GDA: variants seen among roughly 807,000 people sequenced by gnomAD.
The protein encoded by GDA is guanine deaminase.
GDA carries 18 observed loss-of-function variants against 59.6 expected under a neutral mutation model. The observed-to-expected ratio is 0.30, with a 90% CI of 0.21 to 0.45. The LOEUF (loss-of-function observed/expected upper bound fraction) is 0.45. GDA is among the 20% of genes least tolerant of loss of function. GDA has a pLI of 1.00. For missense variants in GDA, 427 were observed against 552.3 expected (o/e 0.77, Z 2.27); for synonymous variants, 201 against 201.1 (o/e 1.00, Z 0.00).
At chr9:72,135,125 G>A (rs139967481) in intron 1 of GDA, among the ~76,000 whole-genome samples, 128 of 152,008 alleles carry the variant, frequency 8.4e-4, no homozygotes, top group African/African-American at 2.9e-3. Context: ...CTATTTATTG[G>A]CGAGATCAAT....
intron 12 of GDA, among the ~76,000 whole-genome samples, chr9:72,246,303 A>T (rs947374407): frequency 2.6e-5 from 4 of 152,032 alleles, no homozygotes; most frequent in African/African-American, 9.7e-5. Flanking sequence ...GCCCACCACC[A>T]CACCCACCTA....
At chr9:72,124,616 CT>C (rs1318946850) in intron 1 of GDA, among the ~76,000 whole-genome samples, 1 of 152,114 alleles carries the variant, frequency 6.6e-6, no homozygotes, top group Non-Finnish European at 1.5e-5. Flanking sequence ...AACAGGCTGC[CT>C]TCCTAGTTAC....
chr9:72,236,177 C>T (rs1159967365), intron 10 of GDA, among the ~76,000 whole-genome samples: 1 of 152,118 alleles, frequency 6.6e-6, no homozygotes, highest in Non-Finnish European at 1.5e-5. Flanking sequence ...TCTTTGTATT[C>T]ACATTGCAAA....
At chr9:72,254,231 C>G (rs1840836781), downstream of GDA, among the ~76,000 whole-genome samples, 1 of 152,024 alleles carries the variant, frequency 6.6e-6, no homozygotes. Context: ...CCAGCCCTGC[C>G]CTAACCTACT....
chr9:72,257,700 T>A (rs1234019805), downstream of GDA: 1 of 152,918 alleles, frequency 6.5e-6, no homozygotes, highest in Non-Finnish European at 1.5e-5. Context: ...GGCGGGTGGA[T>A]CACTTGAGCT....
At chr9:72,258,634 T>G (rs546431303), downstream of GDA, among the ~76,000 whole-genome samples, 2 of 152,260 alleles carry the variant, frequency 1.3e-5, no homozygotes, top group Non-Finnish European at 2.9e-5. Flanking sequence ...AATCCAGGGC[T>G]GTTAGTTTAT....
rs557061433 is a variant in GDA at position 72,222,073 on chromosome 9, C to T, written c.607-1047C>T. 3.5e-3 allele frequency among the ~76,000 whole-genome samples: 534 copies of T among 152,118 alleles called. 4 individuals carry two copies. Among genetic ancestry groups the T allele is most frequent in the African/African-American group, 0.012 (513 of 41,490 alleles). On this transcript the variant is annotated intron_variant, in intron 6 of 13. Coordinates refer to ENST00000358399, the MANE Select transcript of GDA (RefSeq NM_004293.5). ...TGATTTATTTCCTTTTGGTATATAC[C>T]CTGTAATGGGATTGTTGAGTCAAAT...
At position 72,142,144 on chromosome 9, in the gene GDA, A is replaced by T. The variant is rs1471052993; in HGVS notation, c.-100+27311A>T. On this transcript the variant is annotated intron_variant, in intron 1 of 13. Transcript: ENST00000545168. Reference sequence around the variant, plus strand: ...GTGAACTCGACATGCTAGATAGTTCATGTTCATCAGAAGTTCTGATTGGTA... The same window carrying T: ...GTGAACTCGACATGCTAGATAGTTCTTGTTCATCAGAAGTTCTGATTGGTA... Among the ~76,000 whole-genome samples, 4 of 152,310 alleles carry T rather than the reference A, an allele frequency of 2.6e-5. No individual in the cohort carries two copies. The East Asian group carries it at 7.7e-4, about 29-fold the overall frequency.
At chr9:72,205,796 C>T (rs912853083) in intron 3 of GDA, among the ~76,000 whole-genome samples, 2 of 152,158 alleles carry the variant, frequency 1.3e-5, no homozygotes, top group African/African-American at 4.8e-5. Flanking sequence ...GAGAAGCATG[C>T]TCAGGCCAAA....
intron 1 of GDA, among the ~76,000 whole-genome samples, chr9:72,171,565 A>G (rs902878311): frequency 2.0e-5 from 3 of 149,068 alleles, no homozygotes; most frequent in African/African-American, 7.4e-5. Context: ...TCCAGAAAAC[A>G]TTTTTTTTTT....
rs773396126 is a variant in GDA at position 72,227,964 on chromosome 9, T to C, written c.844T>C (p.Tyr282His). The C allele has an allele frequency of 6.2e-7, 1 of 1,605,844 alleles. No homozygotes were observed. The change falls in exon 9 of 14, where the codon TAC becomes CAC. Residue 282 changes from tyrosine (Y) to histidine (H), a missense_variant. Physicochemically the swap from Tyr to His is moderately conservative, Grantham distance 83. Coordinates refer to ENST00000358399, the MANE Select transcript of GDA (RefSeq NM_004293.5). Reference protein sequence around the residue: ...TNKTVMAHGCYLSAEELNVFH... With the variant: ...TNKTVMAHGCHLSAEELNVFH... The stretch of plus-strand genomic sequence containing the variant: ...CCAGACAGTGATGGCACACGGCTGC[T>C]ACCTCTCTGCAGAAGAACTGAACGT...
upstream of GDA, among the ~76,000 whole-genome samples, chr9:72,149,072 A>C (rs1024999627): frequency 2.0e-5 from 3 of 152,202 alleles, no homozygotes; most frequent in Admixed American, 6.5e-5. Context: ...CTAAAAATGA[A>C]ACTGGTCATA....
chr9:72,135,682 A>T (rs941744470), intron 1 of GDA, among the ~76,000 whole-genome samples: 8 of 152,220 alleles, frequency 5.3e-5, no homozygotes, highest in East Asian at 2.0e-4. Flanking sequence ...GTAATCCAGC[A>T]CTTTGGGAGG....
At chr9:72,163,757 G>T (rs373904560) in intron 1 of GDA, among the ~76,000 whole-genome samples, 6 of 152,220 alleles carry the variant, frequency 3.9e-5, no homozygotes, top group South Asian at 2.1e-4. Context: ...CTCCCAAAGT[G>T]CTGGGATTAC....
At chr9:72,136,132 C>G (rs1228945393) in intron 1 of GDA, among the ~76,000 whole-genome samples, 1 of 152,088 alleles carries the variant, frequency 6.6e-6, no homozygotes, top group Non-Finnish European at 1.5e-5. Context: ...GCCAGCAACT[C>G]TTACTATAAA....
rs552681827 is a variant in GDA at position 72,123,480 on chromosome 9, G to T, written c.-100+8647G>T. On this transcript the variant is annotated intron_variant, in intron 1 of 13. Coordinates refer to the GDA transcript ENST00000545168. ...TGACAGGCGTAAGCCACCATGCCCG[G>T]CCTTTTTTTTTTTTTTTTTTTTTTG... Among the ~76,000 whole-genome samples, 28 of 128,878 alleles carry T rather than the reference G, an allele frequency of 2.2e-4. No homozygotes were observed. The East Asian group carries it at 5.0e-3, about 23-fold the overall frequency. The allele number at this position is 128,878 out of a possible 152,430, so 84.5% of individuals were successfully genotyped here. A position where few individuals can be genotyped will look rare whatever the true frequency, so the allele number is the denominator to read the frequency against.
rs140263635 is a variant in GDA, at chr9:72,237,420, C to T, written c.989-3732C>T. 3.0e-4 allele frequency among the ~76,000 whole-genome samples: 46 copies of T among 152,310 alleles called. No homozygotes were observed. In the East Asian group the frequency reaches 8.7e-3, roughly 29 times the overall value. ...TATCTTGAATCCTATGAAGCACCTT[C>T]GTTCTTCCCTTCTTTCTCTTCTCTG... On this transcript the variant is annotated intron_variant, in intron 10 of 13. Transcript: ENST00000358399.
intron 10 of GDA, among the ~76,000 whole-genome samples, chr9:72,238,389 T>C (rs1193112981): frequency 6.6e-6 from 1 of 152,238 alleles, no homozygotes; most frequent in Non-Finnish European, 1.5e-5. Flanking sequence ...TCCATTTTCT[T>C]TATCACTAAA....
intron 1 of GDA, among the ~76,000 whole-genome samples, chr9:72,164,636 G>A (rs981085840): frequency 1.3e-5 from 2 of 152,140 alleles, no homozygotes; most frequent in Non-Finnish European, 2.9e-5. Context: ...CACTGCTTAA[G>A]TTATCAGAGG....
Sources: gnomAD v4.1 joint callset for allele counts (sites outside exome capture counted in the v4.1 genomes callset) on GRCh38, gnomAD v4.1.1 for gene constraint, MANE v1.5 for transcripts, NCBI Gene and HGNC (gene_info 2026-07-23, HGNC 2026-07-21) for gene names.